Variants in C3 observed in about 807,000 individuals in gnomAD.
C3 encodes the protein C3 and PZP-like alpha-2-macroglobulin domain-containing protein 1.
In C3, 97 loss-of-function variants were observed where a neutral mutation model predicts 207.9. The observed-to-expected ratio is 0.47, with a 90% CI of 0.40 to 0.55. C3 has a LOEUF of 0.55. Among genes scored for constraint, C3 ranks in the 20% least tolerant of loss-of-function variants. The probability of loss-of-function intolerance (pLI) is 0.00; values close to 1 mark genes in which losing one functional copy is unlikely to be tolerated. For missense variants in C3, 1,684 were observed against 2,171.7 expected (o/e 0.78, Z 4.46); for synonymous variants, 848 against 857.6 (o/e 0.99, Z 0.20).
chr19:6,709,611 T>TTGCCCCCCC, intron 14 of C3, 73 bp downstream of exon 14: 46 of 1,109,380 alleles, frequency 4.1e-5, no homozygotes, highest in East Asian at 7.7e-5. Context: ...CCCTCTCCAG[T>TTGCCCCCCC]CCCACCCACC....
chr19:6,686,540 A>C (rs573669744), intron 28 of C3: 1 of 740,014 alleles, frequency 1.4e-6, no homozygotes, highest in Non-Finnish European at 2.4e-6. Context: ...TGTGGTTTAC[A>C]ATGAGGACCT....
Position 6,714,343 on chromosome 19 carries a change from C to G in C3, c.599+9G>C. On this transcript the variant is annotated intron_variant, in intron 5 of 40. Coordinates refer to ENST00000245907, the MANE Select transcript of C3 (RefSeq NM_000064.4). Reference sequence around the variant, plus strand: ...AGCCCTGAGCCCCCTCCTCAAGAACCTGACATACTTGACGAGTTCCGGAAT... The same window carrying G: ...AGCCCTGAGCCCCCTCCTCAAGAACGTGACATACTTGACGAGTTCCGGAAT... The G allele has an allele frequency of 6.2e-7, 1 of 1,613,054 alleles. No homozygotes were observed. The highest frequency in any genetic ancestry group is 8.5e-7 in the Non-Finnish European group (1 of 1,179,274).
At chr19:6,720,397 T>C (rs1164367304) in intron 1 of C3, 119 bp downstream of exon 1, 3 of 747,178 alleles carry the variant, frequency 4.0e-6, no homozygotes, top group Non-Finnish European at 7.2e-6. Context: ...CCCAACCTGC[T>C]AACCCCTGAA....
At chr19:6,691,242 T>G (rs375220084) in intron 26 of C3, among the ~76,000 whole-genome samples, 1 of 152,174 alleles carries the variant, frequency 6.6e-6, no homozygotes, top group East Asian at 1.9e-4. Context: ...TTAGTAGAGA[T>G]GGGGTTTCCC....
In C3 at chr19:6,719,106, G is replaced by A. The variant is rs1968111312; in HGVS notation, c.267+105C>T. 5.1e-5 allele frequency: 52 copies of A among 1,026,728 alleles called. 2 individuals are homozygous for A. In the South Asian group the frequency reaches 6.6e-4, roughly 13 times the overall value. The allele number at this position is 1,026,728 out of a possible 1,614,324, so 63.6% of individuals were successfully genotyped here. ...CGAAGGGGTGGAGTCTCAGGGAAGG[G>A]CAGGGCTTAGAAAGGGAGAAGACAG... On this transcript the variant is annotated intron_variant, in intron 2 of 40. Transcript: ENST00000245907. This position sits in a 1 kb window ranked among gnomAD's most constrained non-coding sequence, Gnocchi z 5.4.
In C3 at chr19:6,687,724, G is replaced by A. The variant is rs575837136; in HGVS notation, c.3490-822C>T. Among the ~76,000 whole-genome samples the A allele has an allele frequency of 9.8e-5, 15 of 152,294 alleles. No homozygotes were observed. In the South Asian group the frequency reaches 2.7e-3, roughly 27 times the overall value. On this transcript the variant is annotated intron_variant, in intron 27 of 40. Coordinates refer to ENST00000245907, the MANE Select transcript of C3 (RefSeq NM_000064.4). ...CCAACAGACATAAGTAACCCCAAGA[G>A]TATAGATTATGGGAGTAAGGCGTTT...
chr19:6,712,751 C>T, intron 9 of C3, 128 bp from the exon 10 acceptor site: 1 of 801,310 alleles, frequency 1.2e-6, no homozygotes, highest in Non-Finnish European at 2.2e-6. Context: ...CATACTGGGC[C>T]TGTGCCCCCC....
chr19:6,717,879 T>C (rs935849233), intron 4 of C3: 8 of 643,206 alleles, frequency 1.2e-5, no homozygotes, highest in Middle Eastern at 4.1e-4. Context: ...TGTGTCTGCA[T>C]ATCTCTTTGC....
chr19:6,678,511 C>T, intron 38 of C3, 56 bp from the exon 39 acceptor site: 1 of 1,491,086 alleles, frequency 6.7e-7, no homozygotes, highest in Non-Finnish European at 9.3e-7. Context: ...ATGAGGGGCA[C>T]CCTGGTTTGC....
chr19:6,710,825 C>G lies in C3; in HGVS notation c.1500G>C (p.Leu500=), dbSNP rs1231054202. 6.2e-7 allele frequency: 1 copy of G among 1,613,814 alleles called. No individual in the cohort carries two copies. Among genetic ancestry groups the G allele is most frequent in the African/African-American group, 1.3e-5 (1 of 74,944 alleles). Residue 500 remains leucine, a synonymous_variant, in exon 13 of 41, where the codon CTG becomes CTC. Transcript: ENST00000245907. ...CTCGCACCTGGCGTCCCGCCTTCAA[C>G]AGCCTGCCCTTGTTCATGATCTGGG... The part of the protein sequence containing the change: ...YTYLIMNKGR[L]LKAGRQVREP...
chr19:6,707,249 C>A lies in C3; in HGVS notation c.2072G>T (p.Arg691Leu). The A allele has an allele frequency of 6.2e-7, 1 of 1,612,136 alleles. No homozygotes were observed. Among genetic ancestry groups the A allele is most frequent in the South Asian group, 1.1e-5 (1 of 90,862 alleles). ...DKVGKYPKEL[R>L]KCCEDGMREN... The stretch of plus-strand genomic sequence containing the variant: ...CCGCATGCCGTCCTCGCAGCACTTG[C>A]GCAGCTCCTTGGGGTACTTGCCGAC... The change falls in exon 17 of 41, where the codon CGC becomes CTC. Residue 691 changes from arginine (R) to leucine (L), a missense_variant. Physicochemically the swap from Arg to Leu is moderately radical, Grantham distance 102. This residue lies in a region of C3 where 1,280 missense variants were observed against 1,739.1 expected (regional missense o/e 0.74). Coordinates refer to ENST00000245907, the MANE Select transcript of C3 (RefSeq NM_000064.4).
intron 27 of C3, among the ~76,000 whole-genome samples, chr19:6,688,717 A>C (rs1918077037): frequency 6.6e-6 from 1 of 152,138 alleles, no homozygotes; most frequent in East Asian, 1.9e-4. Flanking sequence ...CTCTGCTACA[A>C]TGTTGCTATG....
At chr19:6,707,386 C>G in intron 16 of C3, 80 bp downstream of exon 16, 1 of 1,599,324 alleles carries the variant, frequency 6.3e-7, no homozygotes, top group Non-Finnish European at 8.6e-7. Context: ...TCCCCTCCTC[C>G]CTCTCTGGCT....
rs972405359 is a variant in C3, at chr19:6,715,714, C to T, written c.505-1268G>A. Among the ~76,000 whole-genome samples, 50 of 151,436 alleles carry T rather than the reference C, an allele frequency of 3.3e-4. 1 individual carries two copies. The highest frequency in any genetic ancestry group is 3.1e-4 in the Non-Finnish European group (21 of 67,814). On this transcript the variant is annotated intron_variant, in intron 4 of 40. Coordinates refer to ENST00000245907, the MANE Select transcript of C3 (RefSeq NM_000064.4). ...TCGGCTCACTGCAGGCTCCGCCTCC[C>T]GGGTTCACACCATTCTCCTGCCTCA...
Position 6,714,228 on chromosome 19 carries a change from CG to C in C3, c.619del (p.Arg207GlufsTer18). On this transcript the variant is annotated frameshift_variant, in exon 6 of 41. Transcript: ENST00000245907. LOFTEE classifies it high-confidence loss of function. Reference protein sequence around the residue: ...ELVNMGQWKIRAYYENSPQQV... With the variant: ...ELVNMGQWKIXAYYENSPQQV... ...CTGTGGTGAGTTTTCATAGTAGGCTCGGATCTTCCACTGGCCCATGCTGTGA... is the reference window on the plus strand; with the variant it reads ...CTGTGGTGAGTTTTCATAGTAGGCTCGATCTTCCACTGGCCCATGCTGTGA... The C allele has an allele frequency of 6.2e-7, 1 of 1,613,866 alleles. No homozygotes were observed. The highest frequency in any genetic ancestry group is 8.5e-7 in the Non-Finnish European group (1 of 1,179,982).
intron 24 of C3, 95 bp downstream of exon 24, chr19:6,694,336 G>A: frequency 1.8e-6 from 2 of 1,103,800 alleles, no homozygotes; most frequent in Non-Finnish European, 2.7e-6. Context: ...TGGAGCCTCA[G>A]GGGAGGGCGT....
At chr19:6,687,153 C>T (rs1051586436) in intron 27 of C3, among the ~76,000 whole-genome samples, 5 of 152,158 alleles carry the variant, frequency 3.3e-5, no homozygotes, top group African/African-American at 1.2e-4. Flanking sequence ...ACAGCCAGCT[C>T]TCCAGTGGGA....
chr19:6,703,676 C>T (rs923660429), intron 17 of C3, among the ~76,000 whole-genome samples: 3 of 151,994 alleles, frequency 2.0e-5, no homozygotes, highest in African/African-American at 2.4e-5. Context: ...CCCGAGAAAC[C>T]GTGTCTGCTT....
chr19:6,686,166 G>T lies in C3; in HGVS notation c.3768C>A (p.Leu1256=). ...FDFVPPVVRW[L]NEQRYYGGGY... Reference sequence around the variant, plus strand: ...CACCACCGTAGTATCTCTGTTCATTGAGCCAACGCACGACGGGAGGCACAA... The same window carrying T: ...CACCACCGTAGTATCTCTGTTCATTTAGCCAACGCACGACGGGAGGCACAA... The change falls in exon 29 of 41, where the codon CTC becomes CTA. Residue 1256 remains leucine, a synonymous_variant. Coordinates refer to ENST00000245907, the MANE Select transcript of C3 (RefSeq NM_000064.4). 1 of 1,614,186 alleles carries T rather than the reference G, an allele frequency of 6.2e-7. No homozygotes were observed. The highest frequency in any genetic ancestry group is 8.5e-7 in the Non-Finnish European group (1 of 1,180,032).
Sources: gnomAD v4.1 joint callset for allele counts (sites outside exome capture counted in the v4.1 genomes callset) on GRCh38, gnomAD v4.1.1 for gene constraint, gnomAD v4.1.1 regional missense constraint, Gnocchi (gnomAD v3.1) non-coding constraint, MANE v1.5 for transcripts, NCBI Gene and HGNC (gene_info 2026-07-23, HGNC 2026-07-21) for gene names.